Variants in APPL1 observed in about 807,000 individuals in gnomAD.
APPL1 encodes the protein adaptor protein, phosphotyrosine interacting with PH domain and leucine zipper 1.
Under a neutral mutation model 106.8 loss-of-function variants are expected in APPL1, and 42 were observed. The ratio of observed to expected loss-of-function variants is 0.39; its 90% CI spans 0.31 to 0.51. The LOEUF (loss-of-function observed/expected upper bound fraction) is 0.51, where lower values mean the gene tolerates loss of function less well. APPL1 is among the 20% of genes least tolerant of loss of function. The pLI is 0.75. For synonymous variants in APPL1, 263 were observed against 281.8 expected, an observed-to-expected ratio of 0.93 and a Z score of 0.67; for missense variants, 769 against 858.2, an observed-to-expected ratio of 0.90 and a Z score of 1.30.
chr3:57,240,589 G>A (rs771915730), intron 5 of APPL1, 37 bp downstream of exon 5: 5 of 1,537,634 alleles, frequency 3.3e-6, no homozygotes, highest in African/African-American at 1.4e-5. Flanking sequence ...TTCATTGGCT[G>A]TGAGATCAAC....
chr3:57,238,174 G>T, intron 4 of APPL1, 58 bp downstream of exon 4: 1 of 1,288,386 alleles, frequency 7.8e-7, no homozygotes, highest in Non-Finnish European at 1.1e-6. Context: ...TTACCCAGTT[G>T]CTTAGCTTTT....
chr3:57,230,374 A>G (rs1029974791), intron 1 of APPL1, among the ~76,000 whole-genome samples: 2 of 152,220 alleles, frequency 1.3e-5, no homozygotes, highest in African/African-American at 2.4e-5. Flanking sequence ...CCAGAAAAGA[A>G]TAACACACAA....
At chr3:57,262,237 G>A (rs2060870158) in intron 19 of APPL1, among the ~76,000 whole-genome samples, 1 of 151,850 alleles carries the variant, frequency 6.6e-6, no homozygotes, top group Non-Finnish European at 1.5e-5. Context: ...CTTTGGCTAT[G>A]CAGACACTTT....
chr3:57,261,480 G>A (rs1182883448), intron 19 of APPL1, among the ~76,000 whole-genome samples: 1 of 152,046 alleles, frequency 6.6e-6, no homozygotes, highest in Admixed American at 6.6e-5. Context: ...CCCAGTAGTG[G>A]GATTGTTGGA....
chr3:57,239,633 A>T (rs1047764175), intron 4 of APPL1, among the ~76,000 whole-genome samples: 5 of 152,088 alleles, frequency 3.3e-5, no homozygotes, highest in African/African-American at 1.2e-4. Flanking sequence ...CATATACAAG[A>T]TTGTTTTTTT....
chr3:57,243,836 T>TA (rs1266909143), intron 7 of APPL1, among the ~76,000 whole-genome samples: 3 of 152,140 alleles, frequency 2.0e-5, no homozygotes, highest in Admixed American at 6.6e-5. Flanking sequence ...CAAAGTATTT[T>TA]AAAAAACACT....
At chr3:57,260,808 CACTT>C (rs1230090378) in intron 19 of APPL1, 34 bp downstream of exon 19, 2 of 1,521,632 alleles carry the variant, frequency 1.3e-6, no homozygotes, top group African/African-American at 2.8e-5. Flanking sequence ...CTGTCATAAC[CACTT>C]ACTAATTGAT....
chr3:57,259,900 A>G lies in APPL1; in HGVS notation c.1539A>G (p.Lys513=), dbSNP rs1050225588. Residue 513 remains lysine (K), a synonymous_variant, in exon 17 of 22, where the codon AAA becomes AAG. Transcript: ENST00000288266. ...IVRFLGSMEV[K]SDDHPDVVYE... Reference sequence around the variant, plus strand: ...GATTCCTTGGTTCAATGGAGGTGAAATCAGATGACCATCCAGATGTTGTTT... The same window carrying G: ...GATTCCTTGGTTCAATGGAGGTGAAGTCAGATGACCATCCAGATGTTGTTT... 2 of 1,613,546 alleles carry G rather than the reference A, an allele frequency of 1.2e-6. No individual in the cohort carries two copies. Among genetic ancestry groups the G allele is most frequent in the Non-Finnish European group, 1.7e-6 (2 of 1,179,888 alleles).
At position 57,257,269 on chromosome 3, in the gene APPL1, G is replaced by A. The variant is rs763244103; in HGVS notation, c.1271G>A (p.Arg424Gln). Reference protein sequence around the residue: ...AAGQSRPPTARTSSSGSLGSE... With the variant: ...AAGQSRPPTAQTSSSGSLGSE... The stretch of plus-strand genomic sequence containing the variant: ...AGACAATCTCGGCCACCGACAGCTC[G>A]AACCAGCAGTTCAGGATCCTTAGGA... Residue 424 changes from arginine (R) to glutamine (Q), a missense_variant, in exon 15 of 22, where the codon CGA becomes CAA. Physicochemically the swap from Arg to Gln is conservative, Grantham distance 43 (BLOSUM62 1). Coordinates refer to ENST00000288266, the MANE Select transcript of APPL1 (RefSeq NM_012096.3). 7 of 1,613,342 alleles carry A rather than the reference G, an allele frequency of 4.3e-6. No homozygotes were observed. Among genetic ancestry groups the A allele is most frequent in the South Asian group, 3.3e-5 (3 of 90,976 alleles).
At chr3:57,267,953 G>A in intron 20 of APPL1, 161 bp downstream of exon 20, 1 of 706,828 alleles carries the variant, frequency 1.4e-6, no homozygotes, top group Non-Finnish European at 2.4e-6. Context: ...TTAGTTGGGT[G>A]TGGTGTCGTG....
chr3:57,261,630 T>C (rs1416216539), intron 19 of APPL1, among the ~76,000 whole-genome samples: 1 of 152,188 alleles, frequency 6.6e-6, no homozygotes, highest in East Asian at 1.9e-4. Context: ...GCCATTCTCC[T>C]GCCTCAGCCT....
chr3:57,244,684 C>T (rs996391258), intron 7 of APPL1, among the ~76,000 whole-genome samples: 3 of 152,046 alleles, frequency 2.0e-5, no homozygotes, highest in South Asian at 2.1e-4. Context: ...ATATTAATGA[C>T]CTTGAAATTT....
chr3:57,256,113 G>A (rs1024293605), intron 13 of APPL1, among the ~76,000 whole-genome samples: 1 of 152,150 alleles, frequency 6.6e-6, no homozygotes, highest in South Asian at 2.1e-4. Flanking sequence ...GGAGGCTGAG[G>A]GGGGAGGATT....
Position 57,269,527 on chromosome 3 carries a change from G to C in APPL1, c.1984-14G>C. 1 of 1,604,886 alleles carries C rather than the reference G, an allele frequency of 6.2e-7. No homozygotes were observed. The highest frequency in any genetic ancestry group is 8.5e-7 in the Non-Finnish European group (1 of 1,176,560). ...AGACAAGTAACTTAGTTTCTTTTTT[G>C]TCTTTTCCACTAGGACTTGGAAGAA... is the stretch of plus-strand genomic sequence containing the variant. On this transcript the variant is annotated splice_polypyrimidine_tract_variant and intron_variant, in intron 21 of 21. Coordinates refer to ENST00000288266, the MANE Select transcript of APPL1 (RefSeq NM_012096.3).
At chr3:57,252,242 G>A in intron 11 of APPL1, 27 bp from the exon 12 acceptor site, 1 of 1,590,764 alleles carries the variant, frequency 6.3e-7, no homozygotes, top group Non-Finnish European at 8.6e-7. Context: ...TTAAACAGTT[G>A]AGGCTCAAAC....
chr3:57,228,044 CGCCGCCGCCCTAG>C lies in APPL1; in HGVS notation c.54+109_54+121del. On this transcript the variant is annotated intron_variant, in intron 1 of 21. Transcript: ENST00000288266. This position sits in a 1 kb window ranked among gnomAD's most constrained non-coding sequence, Gnocchi z 4.6. ...TGCCCGCCCCGGCCCAGGTGGGGGC[CGCCGCCGCCCTAG>C]GTCACCGCCCGTCGCAGGCCGCGCC... The C allele has an allele frequency of 2.0e-6, 2 of 976,970 alleles. No homozygotes were observed. Among genetic ancestry groups the C allele is most frequent in the Non-Finnish European group, 2.7e-6 (2 of 749,112 alleles). The allele number at this position is 976,970 out of a possible 1,614,324, so 60.5% of individuals were successfully genotyped here. A position where few individuals can be genotyped will look rare whatever the true frequency, so the allele number is the denominator to read the frequency against.
In APPL1 at chr3:57,259,983, C is replaced by T; in HGVS notation, c.1622C>T (p.Thr541Ile). 6.2e-7 allele frequency: 1 copy of T among 1,613,796 alleles called. No individual in the cohort carries two copies. Among genetic ancestry groups the T allele is most frequent in the Non-Finnish European group, 8.5e-7 (1 of 1,179,944 alleles). Residue 541 changes from threonine (T) to isoleucine (I), a missense_variant, in exon 17 of 22, where the codon ACA becomes ATA. Transcript: ENST00000288266. ...GCCATCCATAACATCTTTCGTATGA[C>T]AGAATCGCATTTATTAGTCACTTGT... ...ARAIHNIFRMTESHLLVTCDC... is the reference protein window; with the variant it reads ...ARAIHNIFRMIESHLLVTCDC...
chr3:57,269,850 G>A lies in APPL1; in HGVS notation c.*163G>A. On this transcript the variant is annotated 3_prime_UTR_variant, in exon 22 of 22. Transcript: ENST00000288266. Reference sequence around the variant, plus strand: ...AAAAAAGATTGAACTTGATGACTTAGGTTTGCATTGATCTTTTTTCCCCCT... The same window carrying A: ...AAAAAAGATTGAACTTGATGACTTAAGTTTGCATTGATCTTTTTTCCCCCT... The A allele has an allele frequency of 2.6e-6, 2 of 782,676 alleles. No homozygotes were observed. Among genetic ancestry groups the A allele is most frequent in the Non-Finnish European group, 3.9e-6 (2 of 516,694 alleles). 48.5% of individuals were successfully genotyped at this position (782,676 alleles called of 1,614,324 possible).
At chr3:57,238,273 C>G (rs1559507634) in intron 4 of APPL1, 157 bp downstream of exon 4, 3 of 545,794 alleles carry the variant, frequency 5.5e-6, no homozygotes, top group Non-Finnish European at 9.5e-6. Context: ...ACAATACTTT[C>G]TTTACCTGAT....
Sources: gnomAD v4.1 joint callset for allele counts (sites outside exome capture counted in the v4.1 genomes callset) on GRCh38, gnomAD v4.1.1 for gene constraint, Gnocchi (gnomAD v3.1) non-coding constraint, MANE v1.5 for transcripts, NCBI Gene and HGNC (gene_info 2026-07-23, HGNC 2026-07-21) for gene names.